PHF20: variants seen among roughly 807,000 people sequenced by gnomAD.
PHF20 encodes PHD finger protein 20.
In PHF20, 23 loss-of-function variants were observed where a neutral mutation model predicts 113.5. That is an observed-to-expected ratio of 0.20 (90% CI 0.15 to 0.29). The LOEUF is 0.29. Ranked by LOEUF, PHF20 falls within the 10% of genes least tolerant of loss-of-function variation. The probability of loss-of-function intolerance (pLI) is 1.00; values close to 1 mark genes in which losing one functional copy is unlikely to be tolerated. For synonymous variants in PHF20, 434 were observed against 457.3 expected, an observed-to-expected ratio of 0.95 and a Z score of 0.65; for missense variants, 943 against 1,219.6, an observed-to-expected ratio of 0.77 and a Z score of 3.38.
chr20:35,872,437 T>G lies in PHF20; in HGVS notation c.1282+608T>G, dbSNP rs192849399. Among the ~76,000 whole-genome samples the G allele has an allele frequency of 5.3e-3, 810 of 152,164 alleles. 9 individuals carry two copies. Among genetic ancestry groups the G allele is most frequent in the African/African-American group, 0.019 (777 of 41,524 alleles). On this transcript the variant is annotated intron_variant, in intron 9 of 17. Transcript: ENST00000374012. ...ACTCGGGAAGCTGAGGCAGGAGAAT[T>G]GCTTGAACCCAGGAGGCGGAGGTTG...
chr20:35,890,079 G>A (rs2054820843), intron 9 of PHF20, among the ~76,000 whole-genome samples: 1 of 151,594 alleles, frequency 6.6e-6, no homozygotes, highest in African/African-American at 2.4e-5. Flanking sequence ...CCAAGCTGGA[G>A]TGCAGTGGTA....
chr20:35,825,835 A>T (rs963556566), intron 2 of PHF20, among the ~76,000 whole-genome samples: 3 of 151,888 alleles, frequency 2.0e-5, no homozygotes, highest in African/African-American at 7.3e-5. Flanking sequence ...CTTTTATTTT[A>T]AAAATACTTT....
rs2055681671 is a variant in PHF20, at chr20:35,928,271, T to C, written c.2104+392T>C. Among the ~76,000 whole-genome samples, 3 of 151,092 alleles carry C rather than the reference T, an allele frequency of 2.0e-5. No individual in the cohort carries two copies. The South Asian group carries it at 6.6e-4, about 33-fold the overall frequency. ...CTGGCCAATGTGGTGAAACTCCATC[T>C]CTACTAAAAATACAAAAATTAGCTG... On this transcript the variant is annotated intron_variant, in intron 14 of 17. Transcript: ENST00000374012.
chr20:35,930,634 A>G (rs1306670366), intron 14 of PHF20, among the ~76,000 whole-genome samples: 1 of 152,174 alleles, frequency 6.6e-6, no homozygotes, highest in Non-Finnish European at 1.5e-5. Context: ...TGATCATGCC[A>G]CTGCACTGTA....
intron 1 of PHF20, among the ~76,000 whole-genome samples, chr20:35,786,973 A>T (rs866058845): frequency 2.0e-5 from 3 of 148,728 alleles, no homozygotes; most frequent in South Asian, 4.2e-4. Flanking sequence ...GGTGGATGAT[A>T]TTGATCTCTT....
At chr20:35,781,945 C>A (rs2041306653) in intron 1 of PHF20, among the ~76,000 whole-genome samples, 1 of 149,044 alleles carries the variant, frequency 6.7e-6, no homozygotes, top group Admixed American at 6.6e-5. Context: ...GAGACTCCAT[C>A]TCAAAAAAAA....
intron 9 of PHF20, among the ~76,000 whole-genome samples, chr20:35,874,890 C>T (rs1600858879): frequency 1.3e-5 from 2 of 151,770 alleles, no homozygotes; most frequent in South Asian, 2.1e-4. Context: ...GTTCAAGACT[C>T]GCTATATTGA....
intron 2 of PHF20, among the ~76,000 whole-genome samples, chr20:35,830,294 TA>T (rs2042337443): frequency 1.3e-5 from 2 of 152,212 alleles, no homozygotes; most frequent in African/African-American, 2.4e-5. Context: ...TAGCTCCTGG[TA>T]ACCTCTATTC....
At chr20:35,917,344 T>C (rs1165181505) in intron 12 of PHF20, 140 bp from the exon 13 acceptor site, 29 of 792,008 alleles carry the variant, frequency 3.7e-5, no homozygotes, top group Non-Finnish European at 2.0e-5. Flanking sequence ...CAAGGACAGA[T>C]TGGCATCCTC....
intron 2 of PHF20, among the ~76,000 whole-genome samples, chr20:35,828,816 A>G (rs978036927): frequency 2.6e-5 from 4 of 152,208 alleles, no homozygotes; most frequent in African/African-American, 7.2e-5. Flanking sequence ...TCTAACCTAT[A>G]AACTATTGAT....
In PHF20 at chr20:35,938,641, C is replaced by T. The variant is rs1178037079; in HGVS notation, c.2301-56C>T. 2.7e-6 allele frequency: 4 copies of T among 1,507,192 alleles called. No homozygotes were observed. The African/African-American group carries it at 5.6e-5, about 21-fold the overall frequency. 93.4% of individuals were successfully genotyped at this position (1,507,192 alleles called of 1,614,324 possible). The stretch of plus-strand genomic sequence containing the variant: ...TGGGAGAGTATTTAGGAATTGAGAA[C>T]CCCTGCAATGGTGCCAGTTACTCCA... On this transcript the variant is annotated intron_variant, in intron 15 of 17. Transcript: ENST00000374012.
chr20:35,824,530 C>T (rs898430756), intron 2 of PHF20, among the ~76,000 whole-genome samples: 1 of 151,848 alleles, frequency 6.6e-6, no homozygotes, highest in African/African-American at 2.4e-5. Flanking sequence ...TCGCTTGAAC[C>T]CGGGAGGCAG....
intron 15 of PHF20, among the ~76,000 whole-genome samples, chr20:35,933,828 C>T (rs1037076648): frequency 2.0e-5 from 3 of 152,172 alleles, no homozygotes; most frequent in Non-Finnish European, 2.9e-5. Flanking sequence ...CCACTGTGCC[C>T]GGTCGGTCTC....
intron 9 of PHF20, among the ~76,000 whole-genome samples, chr20:35,899,056 C>CTTTATT (rs544499204): frequency 0.011 from 1,665 of 152,062 alleles, 23 homozygotes; most frequent in African/African-American, 0.037. Flanking sequence ...ACCTGAGATC[C>CTTTATT]TTTATTTTTA....
At chr20:35,899,268 T>C (rs1301006405) in intron 9 of PHF20, 102 bp from the exon 10 acceptor site, 23 of 941,070 alleles carry the variant, frequency 2.4e-5, no homozygotes, top group Non-Finnish European at 3.5e-5. Context: ...AGGCTACATT[T>C]GCACGCTAGT....
At chr20:35,793,717 G>T (rs534512020) in intron 1 of PHF20, among the ~76,000 whole-genome samples, 12 of 151,288 alleles carry the variant, frequency 7.9e-5, no homozygotes, top group Non-Finnish European at 1.5e-4. Flanking sequence ...TTATATGCTC[G>T]CATGGCGCAG....
chr20:35,809,754 G>A (rs2041945449), intron 2 of PHF20, among the ~76,000 whole-genome samples: 1 of 151,580 alleles, frequency 6.6e-6, no homozygotes, highest in South Asian at 2.1e-4. Context: ...GGTGGTACAT[G>A]CCTGAAGTCC....
At chr20:35,909,356 A>G (rs1415423798) in intron 10 of PHF20, among the ~76,000 whole-genome samples, 1 of 151,936 alleles carries the variant, frequency 6.6e-6, no homozygotes, top group East Asian at 1.9e-4. Context: ...TCATTGCAAT[A>G]TCCCTCCTCC....
intron 1 of PHF20, among the ~76,000 whole-genome samples, chr20:35,780,187 C>CACTG (rs1271114084): frequency 6.6e-6 from 1 of 151,512 alleles, no homozygotes; most frequent in Non-Finnish European, 1.5e-5. Context: ...TGGAAACCAG[C>CACTG]ACTGAGGCAC....
Sources: gnomAD v4.1 joint callset for allele counts (sites outside exome capture counted in the v4.1 genomes callset) on GRCh38, gnomAD v4.1.1 for gene constraint, MANE v1.5 for transcripts, NCBI Gene and HGNC (gene_info 2026-07-23, HGNC 2026-07-21) for gene names.